The following PDE12 variants were observed in gnomAD, a reference collection of about 807,000 sequenced individuals.
The protein encoded by PDE12 is phosphodiesterase 12.
A neutral mutation model predicts 45.4 loss-of-function variants in PDE12; 26 were observed. The ratio of observed to expected loss-of-function variants is 0.57; its 90% CI spans 0.42 to 0.79. The LOEUF is 0.79. PDE12 is among the 30% of genes least tolerant of loss of function. The pLI is 0.00. For synonymous variants in PDE12, 283 were observed against 323.9 expected, an observed-to-expected ratio of 0.87 and a Z score of 1.36; for missense variants, 668 against 790.0, an observed-to-expected ratio of 0.85 and a Z score of 1.85.
the PDE12 span, among the ~76,000 whole-genome samples, chr3:57,604,077 C>G: frequency 6.6e-6 from 1 of 151,968 alleles, no homozygotes; most frequent in African/African-American, 2.4e-5. Flanking sequence ...GCGCCTGCCA[C>G]CACGCCTGGC....
At chr3:57,623,755 TA>T in the PDE12 span, among the ~76,000 whole-genome samples, 1 of 152,154 alleles carries the variant, frequency 6.6e-6, no homozygotes, top group African/African-American at 2.4e-5. Context: ...AATATTTCAG[TA>T]AATGTAGAAG....
chr3:57,637,762 A>G, the PDE12 span, among the ~76,000 whole-genome samples: 1 of 122,384 alleles, frequency 8.2e-6, no homozygotes, highest in African/African-American at 3.1e-5. Flanking sequence ...AATAAATAAG[A>G]CTTCAAAAAA....
At chr3:57,601,315 G>C in the PDE12 span, among the ~76,000 whole-genome samples, 4 of 151,922 alleles carry the variant, frequency 2.6e-5, no homozygotes, top group African/African-American at 9.7e-5. Flanking sequence ...TCACCATGTT[G>C]GCCAGGCTGG....
At chr3:57,582,953 G>A in the PDE12 span, among the ~76,000 whole-genome samples, 2 of 152,168 alleles carry the variant, frequency 1.3e-5, no homozygotes, top group Non-Finnish European at 2.9e-5. Context: ...TGCCCCCAGG[G>A]GATATTTTGC....
At chr3:57,601,022 C>G in the PDE12 span, 2 of 152,168 alleles carry the variant, frequency 1.3e-5, no homozygotes. Flanking sequence ...TTCATTTAAT[C>G]ATCGCTTTTG....
chr3:57,615,824 A>T, the PDE12 span, among the ~76,000 whole-genome samples: 1 of 152,122 alleles, frequency 6.6e-6, no homozygotes, highest in Admixed American at 6.6e-5. Context: ...AAATACAGAA[A>T]ATCAATAAAT....
chr3:57,582,295 T>C, the PDE12 span, among the ~76,000 whole-genome samples: 1 of 151,760 alleles, frequency 6.6e-6, no homozygotes, highest in Admixed American at 6.6e-5. Context: ...CATGCTGGAG[T>C]GCAATGGTGT....
In PDE12 at chr3:57,559,385, A is replaced by G. The variant is rs1267095276; in HGVS notation, c.1384A>G (p.Lys462Glu). The change falls in exon 2 of 3, where the codon AAA becomes GAA. Residue 462 changes from lysine to glutamate, a missense_variant. By Grantham distance (56) the Lys-to-Glu change is moderately conservative (BLOSUM62 1). Coordinates refer to ENST00000311180, the MANE Select transcript of PDE12 (RefSeq NM_177966.7). ...TAATACCCATCTTTACTGGCATCCT[A>G]AAGGTAGGTTTTATTTGGTATCACA... ...VANTHLYWHP[K>E]GGYIRLIQMA... is the part of the protein sequence containing the mutation. The G allele has an allele frequency of 1.2e-6, 2 of 1,608,980 alleles. No individual in the cohort carries two copies. Among genetic ancestry groups the G allele is most frequent in the African/African-American group, 2.7e-5 (2 of 74,782 alleles).
At chr3:57,583,818 A>G in the PDE12 span, 8 of 965,928 alleles carry the variant, frequency 8.3e-6, no homozygotes, top group South Asian at 7.1e-5. Flanking sequence ...CCAATATCCA[A>G]GTAAATACTA....
the PDE12 span, chr3:57,596,661 A>C: frequency 5.4e-6 from 1 of 186,236 alleles, no homozygotes; most frequent in Non-Finnish European, 1.1e-5. Context: ...AGGGGAGGGA[A>C]AAGGCTGGAG....
chr3:57,628,146 C>T, the PDE12 span: 164 of 1,556,096 alleles, frequency 1.1e-4, no homozygotes, highest in South Asian at 1.8e-3. Context: ...CTCCTTTGTG[C>T]GTCTGGTTGA....
In PDE12 at chr3:57,557,325, G is replaced by A. The variant is rs746050889; in HGVS notation, c.946G>A (p.Val316Ile). 3.7e-6 allele frequency: 6 copies of A among 1,613,806 alleles called. No individual in the cohort carries two copies. Among genetic ancestry groups the A allele is most frequent in the Middle Eastern group, 1.6e-4 (1 of 6,084 alleles). The stretch of plus-strand genomic sequence containing the variant: ...CGCGCAGACTGAGTTCTCGCGAACG[G>A]TTCTGTACCCATACTGTGCCCCCTA... The part of the protein sequence containing the change: ...TYAQTEFSRT[V>I]LYPYCAPYAL... Residue 316 changes from valine (V) to isoleucine (I), a missense_variant, in exon 1 of 3, where the codon GTT becomes ATT. Val to Ile is a conservative substitution (Grantham distance 29). Around this residue, in one of 3 missense-constraint regions of PDE12, gnomAD observed 580 missense variants for 662.9 expected, o/e 0.87. Transcript: ENST00000311180.
the PDE12 span, among the ~76,000 whole-genome samples, chr3:57,615,831 A>G: frequency 0.012 from 1,781 of 152,198 alleles, 33 homozygotes; most frequent in African/African-American, 0.04. Flanking sequence ...GAAAATCAAT[A>G]AATACAATAA....
the PDE12 span, among the ~76,000 whole-genome samples, chr3:57,619,779 G>A: frequency 6.6e-6 from 1 of 151,904 alleles, no homozygotes; most frequent in Non-Finnish European, 1.5e-5. Context: ...AAACCCGGGA[G>A]GCAGAGGTTG....
the PDE12 span, chr3:57,627,980 T>C: frequency 1.1e-5 from 5 of 441,278 alleles, no homozygotes; most frequent in Non-Finnish European, 1.5e-5. Flanking sequence ...ATTAAAAATA[T>C]AGAAATGCCT....
the PDE12 span, among the ~76,000 whole-genome samples, chr3:57,603,709 G>A: frequency 4.2e-3 from 619 of 146,124 alleles, 6 homozygotes; most frequent in African/African-American, 0.015. Flanking sequence ...CACCACCCCC[G>A]CCTCCCAGTT....
At chr3:57,566,872 CG>C (rs1268212900), downstream of PDE12, 6 of 152,024 alleles carry the variant, frequency 3.9e-5, no homozygotes, top group Non-Finnish European at 5.9e-5. Context: ...CAGGACCATC[CG>C]GGAGGCAAAT....
At chr3:57,628,083 T>C in the PDE12 span, 3 of 1,325,246 alleles carry the variant, frequency 2.3e-6, no homozygotes, top group Admixed American at 4.8e-5. Flanking sequence ...ACAGTCTTTC[T>C]ACCCTGTAAC....
At chr3:57,650,447 T>C in the PDE12 span, among the ~76,000 whole-genome samples, 54 of 113,040 alleles carry the variant, frequency 4.8e-4, no homozygotes, top group South Asian at 3.7e-3. Flanking sequence ...CACACACACA[T>C]ACATACACAC....
Sources: gnomAD v4.1 joint callset for allele counts (sites outside exome capture counted in the v4.1 genomes callset) on GRCh38, gnomAD v4.1.1 for gene constraint, gnomAD v4.1.1 regional missense constraint, MANE v1.5 for transcripts, NCBI Gene and HGNC (gene_info 2026-07-23, HGNC 2026-07-21) for gene names.